Variants in GRM7 observed in about 807,000 individuals in gnomAD.
GRM7 encodes metabotropic glutamate receptor 7.
A neutral mutation model predicts 84.5 loss-of-function variants in GRM7; 35 were observed. The observed-to-expected ratio is 0.41, with a 90% CI of 0.32 to 0.55. The LOEUF is 0.55. Ranked by LOEUF, GRM7 falls within the 20% of genes least tolerant of loss-of-function variation. The pLI, the probability that GRM7 is intolerant of heterozygous loss-of-function variation, is 0.19. For synonymous variants in GRM7, 487 were observed against 455.1 expected (o/e 1.07, Z -0.89); for missense variants, 1,003 against 1,194.6 (o/e 0.84, Z 2.36).
chr3:7,464,763 G>A (rs1302656049), intron 7 of GRM7, among the ~76,000 whole-genome samples: 1 of 150,090 alleles, frequency 6.7e-6, no homozygotes, highest in Non-Finnish European at 1.5e-5. Context: ...AGGAGGTGGA[G>A]CTTACAGTGA....
At chr3:7,682,703 C>T (rs574807594) in intron 9 of GRM7, among the ~76,000 whole-genome samples, 1 of 152,284 alleles carries the variant, frequency 6.6e-6, no homozygotes, top group South Asian at 2.1e-4. Context: ...GAATTGTTAA[C>T]TTTCAAAAAA....
rs1025710239 is a variant in GRM7 at position 7,714,470 on chromosome 3, T to G, written c.2699-25887T>G. 1.1e-4 allele frequency among the ~76,000 whole-genome samples: 16 copies of G among 152,262 alleles called. No individual in the cohort carries two copies. The East Asian group carries it at 3.1e-3, about 29-fold the overall frequency. ...AATGTCCCCTATTACCTTGCTACAT[T>G]GAATGTTTGGATTGTCGACCAGCAG... On this transcript the variant is annotated intron_variant, in intron 9 of 9. Transcript: ENST00000357716.
At chr3:7,599,864 G>C (rs977494551) in intron 8 of GRM7, among the ~76,000 whole-genome samples, 6 of 152,164 alleles carry the variant, frequency 3.9e-5, no homozygotes, top group Middle Eastern at 3.4e-3. Context: ...ACGGTCGTGG[G>C]GGGTGGGGTT....
chr3:7,195,830 G>T (rs1239503402), intron 2 of GRM7, among the ~76,000 whole-genome samples: 9 of 152,072 alleles, frequency 5.9e-5, no homozygotes, highest in Non-Finnish European at 1.3e-4. Context: ...TTTGCTAAAG[G>T]CAGTTACCTA....
At chr3:7,442,639 C>G (rs1482402427) in intron 5 of GRM7, among the ~76,000 whole-genome samples, 3 of 152,116 alleles carry the variant, frequency 2.0e-5, no homozygotes, top group African/African-American at 7.2e-5. Flanking sequence ...ATTCCATCCC[C>G]ACAACATGCC....
intron 8 of GRM7, among the ~76,000 whole-genome samples, chr3:7,627,129 T>C (rs1040164246): frequency 6.6e-6 from 1 of 152,140 alleles, no homozygotes; most frequent in African/African-American, 2.4e-5. Context: ...AGTATTGTGG[T>C]GCAAACCAAA....
At position 7,151,184 on chromosome 3, in the gene GRM7, A is replaced by G. The variant is rs1041958268; in HGVS notation, c.736+4516A>G. On this transcript the variant is annotated intron_variant, in intron 2 of 9. Transcript: ENST00000357716. The surrounding 1 kb of genome is among the most constrained non-coding windows in gnomAD (Gnocchi z 4.5). ...TTTTTCCTAAAATACTTAGAGGAAG[A>G]TTTGATTAACTGTTATTAACTGTTA... Among the ~76,000 whole-genome samples the G allele has an allele frequency of 1.3e-5, 2 of 152,096 alleles. No homozygotes were observed. Among genetic ancestry groups the G allele is most frequent in the African/African-American group, 4.8e-5 (2 of 41,410 alleles).
intron 6 of GRM7, among the ~76,000 whole-genome samples, chr3:7,456,579 C>G (rs910807984): frequency 1.3e-5 from 2 of 151,656 alleles, no homozygotes; most frequent in African/African-American, 4.8e-5. Context: ...CAATCTGCTT[C>G]CTGGAATGTT....
At chr3:7,480,305 A>T (rs1471824599) in intron 7 of GRM7, among the ~76,000 whole-genome samples, 1 of 152,214 alleles carries the variant, frequency 6.6e-6, no homozygotes, top group African/African-American at 2.4e-5. Context: ...AGAAATGCAG[A>T]TTTAGAGCAA....
intron 8 of GRM7, among the ~76,000 whole-genome samples, chr3:7,647,652 C>G (rs907146154): frequency 2.6e-5 from 4 of 151,986 alleles, no homozygotes; most frequent in African/African-American, 4.8e-5. Context: ...TAATAGAGAC[C>G]ACTAGGAGTC....
At chr3:7,385,873 A>G (rs1270102827) in intron 4 of GRM7, among the ~76,000 whole-genome samples, 24 of 152,224 alleles carry the variant, frequency 1.6e-4, no homozygotes, top group Non-Finnish European at 7.3e-5. Flanking sequence ...TCGTATCTTG[A>G]AAACTACCAG....
In GRM7 at chr3:7,404,805, T is replaced by A. The variant is rs866022761; in HGVS notation, c.1034-10218T>A. Among the ~76,000 whole-genome samples the A allele has an allele frequency of 2.8e-3, 431 of 151,450 alleles. 1 individual carries two copies. Among genetic ancestry groups the A allele is most frequent in the African/African-American group, 1.0e-2 (410 of 41,152 alleles). Reference sequence around the variant, plus strand: ...TTGAGTCCTACATAAAAAAAAAAAATAATAATAATGCAAACAAGATTAAGC... The same window carrying A: ...TTGAGTCCTACATAAAAAAAAAAAAAAATAATAATGCAAACAAGATTAAGC... On this transcript the variant is annotated intron_variant, in intron 4 of 9. Transcript: ENST00000357716.
intron 8 of GRM7, among the ~76,000 whole-genome samples, chr3:7,638,741 A>G (rs1698222061): frequency 6.6e-6 from 1 of 152,196 alleles, no homozygotes; most frequent in Admixed American, 6.5e-5. Context: ...GATGGTCATA[A>G]TATCAACAGG....
chr3:6,876,666 A>G (rs1252453944), intron 1 of GRM7, among the ~76,000 whole-genome samples: 2 of 141,282 alleles, frequency 1.4e-5, no homozygotes, highest in Non-Finnish European at 3.0e-5. Context: ...CAGTGGCACC[A>G]TCTCGGCTCA....
intron 1 of GRM7, among the ~76,000 whole-genome samples, chr3:7,104,383 G>C (rs1310605881): frequency 6.6e-6 from 1 of 151,600 alleles, no homozygotes; most frequent in African/African-American, 2.4e-5. Context: ...ATAAATTTTT[G>C]ATTTTTAAGC....
Position 7,298,520 on chromosome 3 carries a change from A to T in GRM7, c.737-164A>T, listed in dbSNP as rs367821451. On this transcript the variant is annotated intron_variant, in intron 2 of 9. Transcript: ENST00000357716. ...GGAAAGTGCATTAGGTATGAACAAC[A>T]TCTCAGGACTCAGCATGGTGTCTTA... The T allele has an allele frequency of 4.8e-4, 286 of 595,632 alleles. 7 individuals are homozygous for T. In the South Asian group the frequency reaches 5.9e-3, roughly 12 times the overall value. 36.9% of individuals were successfully genotyped at this position (595,632 alleles called of 1,614,324 possible). A position where few individuals can be genotyped will look rare whatever the true frequency, so the allele number is the denominator to read the frequency against.
At chr3:7,071,664 G>C (rs978301744) in intron 1 of GRM7, among the ~76,000 whole-genome samples, 1 of 151,974 alleles carries the variant, frequency 6.6e-6, no homozygotes, top group African/African-American at 2.4e-5. Context: ...TTTGAGTGAG[G>C]CTAAATTATT....
chr3:7,554,551 G>T (rs1693667507), intron 7 of GRM7, among the ~76,000 whole-genome samples: 2 of 152,156 alleles, frequency 1.3e-5, no homozygotes, highest in African/African-American at 4.8e-5. Flanking sequence ...AAATTAGCTA[G>T]GGTAAGTAAT....
intron 7 of GRM7, among the ~76,000 whole-genome samples, chr3:7,539,591 C>T (rs770064229): frequency 2.7e-5 from 4 of 148,788 alleles, no homozygotes; most frequent in Non-Finnish European, 5.9e-5. Flanking sequence ...CAGGGAATTG[C>T]TTGAACCTGG....
Sources: gnomAD v4.1 joint callset for allele counts (sites outside exome capture counted in the v4.1 genomes callset) on GRCh38, gnomAD v4.1.1 for gene constraint, Gnocchi (gnomAD v3.1) non-coding constraint, MANE v1.5 for transcripts, NCBI Gene and HGNC (gene_info 2026-07-23, HGNC 2026-07-21) for gene names.